Variants in FBXL7 observed in about 807,000 individuals in gnomAD.
FBXL7 encodes F-box and leucine rich repeat protein 7, also known as F-box/LRR-repeat protein 7.
In FBXL7, 12 loss-of-function variants were observed where a neutral mutation model predicts 38.3. The observed-to-expected ratio is 0.31, with a 90% CI of 0.20 to 0.51. The LOEUF is 0.51. Ranked by LOEUF, FBXL7 falls within the 20% of genes least tolerant of loss-of-function variation. The probability of loss-of-function intolerance (pLI) is 0.98; values close to 1 mark genes in which losing one functional copy is unlikely to be tolerated. For synonymous variants in FBXL7, 297 were observed against 300.9 expected (o/e 0.99, Z 0.13); for missense variants, 567 against 676.4 (o/e 0.84, Z 1.79).
chr5:15,663,113 T>C, intron 2 of FBXL7, among the ~76,000 whole-genome samples: 1 of 152,228 alleles, frequency 6.6e-6, no homozygotes, highest in East Asian at 1.9e-4. Flanking sequence ...TTAATGATAT[T>C]GATTCTTCCT....
intron 2 of FBXL7, among the ~76,000 whole-genome samples, chr5:15,641,501 C>CT (rs1741367430): frequency 2.1e-5 from 3 of 140,002 alleles, no homozygotes; most frequent in African/African-American, 8.4e-5. Context: ...TTATGACTGC[C>CT]ATTTTTTTTT....
At chr5:15,630,692 G>A (rs557704969) in intron 2 of FBXL7, among the ~76,000 whole-genome samples, 1 of 152,220 alleles carries the variant, frequency 6.6e-6, no homozygotes, top group East Asian at 1.9e-4. Context: ...AGCTGTATTG[G>A]AACTGGACAG....
chr5:15,639,512 T>A (rs577696230), intron 2 of FBXL7, among the ~76,000 whole-genome samples: 14 of 152,216 alleles, frequency 9.2e-5, no homozygotes, highest in African/African-American at 3.4e-4. Flanking sequence ...TTGCTCCTCC[T>A]TGCCTTCTGC....
chr5:15,650,752 C>A (rs1226683777), intron 2 of FBXL7, among the ~76,000 whole-genome samples: 1 of 152,218 alleles, frequency 6.6e-6, no homozygotes, highest in African/African-American at 2.4e-5. Flanking sequence ...AAACCACTTT[C>A]TTTGCTCATC....
chr5:15,764,806 A>C (rs917062434), intron 2 of FBXL7, among the ~76,000 whole-genome samples: 1 of 152,246 alleles, frequency 6.6e-6, no homozygotes, highest in Non-Finnish European at 1.5e-5. Context: ...CATATTGTAA[A>C]TTATCTGTGT....
chr5:15,577,083 T>C (rs1738988942), intron 1 of FBXL7, among the ~76,000 whole-genome samples: 1 of 152,230 alleles, frequency 6.6e-6, no homozygotes, highest in Admixed American at 6.5e-5. Flanking sequence ...TTATGTGAAA[T>C]CTTCTGAGAA....
chr5:15,874,491 A>T (rs1740115739), intron 2 of FBXL7, among the ~76,000 whole-genome samples: 1 of 152,212 alleles, frequency 6.6e-6, no homozygotes. Context: ...CTGTTTGCAG[A>T]TGACATGATT....
chr5:15,596,928 A>G (rs781724368), intron 1 of FBXL7, among the ~76,000 whole-genome samples: 41 of 152,202 alleles, frequency 2.7e-4, no homozygotes, highest in Non-Finnish European at 5.0e-4. Context: ...CTTTATAGTA[A>G]GCCAGTAAAC....
chr5:15,567,781 G>A (rs1270209021), intron 1 of FBXL7, among the ~76,000 whole-genome samples: 2 of 151,148 alleles, frequency 1.3e-5, no homozygotes, highest in African/African-American at 4.9e-5. Context: ...GGTGTGTGAT[G>A]TTCCCCTTCC....
intron 2 of FBXL7, among the ~76,000 whole-genome samples, chr5:15,728,500 A>C (rs1048581230): frequency 6.6e-6 from 1 of 152,156 alleles, no homozygotes; most frequent in African/African-American, 2.4e-5. Flanking sequence ...GCAAACTTTT[A>C]ATGTGCAATT....
intron 2 of FBXL7, among the ~76,000 whole-genome samples, chr5:15,798,587 G>A (rs1194969821): frequency 2.0e-5 from 3 of 152,214 alleles, no homozygotes; most frequent in Non-Finnish European, 2.9e-5. Context: ...CTTGGAAGGC[G>A]TTTGCTGATC....
chr5:15,899,861 C>T (rs909896298), intron 2 of FBXL7, among the ~76,000 whole-genome samples: 4 of 152,292 alleles, frequency 2.6e-5, no homozygotes, highest in Admixed American at 6.5e-5. Context: ...AGATATGAAA[C>T]TCATCTTTAA....
chr5:15,776,115 T>G (rs2126715781), intron 2 of FBXL7, among the ~76,000 whole-genome samples: 1 of 152,060 alleles, frequency 6.6e-6, no homozygotes, highest in South Asian at 2.1e-4. Context: ...AGGCAGTAAA[T>G]AAATAAAAAA....
intron 2 of FBXL7, among the ~76,000 whole-genome samples, chr5:15,875,219 G>C (rs1275175861): frequency 6.6e-6 from 1 of 152,142 alleles, no homozygotes; most frequent in African/African-American, 2.4e-5. Flanking sequence ...TAGGCAGAAA[G>C]TTGACACTGG....
At chr5:15,655,871 G>T (rs1021090364) in intron 2 of FBXL7, among the ~76,000 whole-genome samples, 1 of 152,154 alleles carries the variant, frequency 6.6e-6, no homozygotes, top group Non-Finnish European at 1.5e-5. Flanking sequence ...GGTTATTGCT[G>T]CAAACACAGT....
intron 3 of FBXL7, among the ~76,000 whole-genome samples, chr5:15,931,158 C>T (rs1049046795): frequency 6.6e-6 from 1 of 152,118 alleles, no homozygotes; most frequent in Admixed American, 6.5e-5. Context: ...CACATATTAC[C>T]TTTTATTAAT....
chr5:15,709,674 T>C (rs1743802118), intron 2 of FBXL7, among the ~76,000 whole-genome samples: 1 of 152,170 alleles, frequency 6.6e-6, no homozygotes, highest in Non-Finnish European at 1.5e-5. Flanking sequence ...GCCATAACCT[T>C]CTGTCTTAGT....
intron 1 of FBXL7, among the ~76,000 whole-genome samples, chr5:15,597,495 T>TAAAAAAAAAAAAAAAAAAAA (rs35742221): frequency 1.7e-5 from 2 of 114,912 alleles, no homozygotes; most frequent in African/African-American, 3.3e-5. Flanking sequence ...TATCATTTTG[T>TAAAAAAAAAAAAAAAAAAAA]AAAAAAAAAA....
intron 1 of FBXL7, among the ~76,000 whole-genome samples, chr5:15,551,544 C>T (rs1366969008): frequency 2.0e-5 from 3 of 152,202 alleles, no homozygotes; most frequent in African/African-American, 7.2e-5. Flanking sequence ...CCTGGCGTCT[C>T]GCAGTGTGCC....
Sources: allele counts gnomAD v4.1 joint callset (sites outside exome capture counted in the v4.1 genomes callset), GRCh38; gene constraint gnomAD v4.1.1; transcripts MANE v1.5; gene names NCBI Gene and HGNC (gene_info 2026-07-23, HGNC 2026-07-21).